Variants in ACSL3 observed in about 807,000 individuals in gnomAD.
The protein encoded by ACSL3 is fatty acid CoA ligase Acsl3.
In ACSL3, 34 loss-of-function variants were observed where a neutral mutation model predicts 84.7. That is an observed-to-expected ratio of 0.40 (90% CI 0.31 to 0.53). The LOEUF is 0.53. Among genes scored for constraint, ACSL3 ranks in the 20% least tolerant of loss-of-function variants. ACSL3 has a pLI of 0.48. For synonymous variants in ACSL3, 315 were observed against 299.4 expected, an observed-to-expected ratio of 1.05 and a Z score of -0.54; for missense variants, 680 against 873.1, an observed-to-expected ratio of 0.78 and a Z score of 2.79.
chr2:222,910,596 C>A (rs1481616985), intron 4 of ACSL3, among the ~76,000 whole-genome samples: 1 of 152,202 alleles, frequency 6.6e-6, no homozygotes, highest in Non-Finnish European at 1.5e-5. Flanking sequence ...TTTCATACAT[C>A]ATTTTCCTCA....
Position 222,944,276 on chromosome 2 carries a change from T to G in ACSL3, c.*2622T>G, listed in dbSNP as rs1697403868. On this transcript the variant is annotated 3_prime_UTR_variant, in exon 17 of 17. Transcript: ENST00000357430. ...ATAACTTACTTGTTTGCTGCTAAAA[T>G]ACTCAAGATTTTGCCATTTTTAAAC... The G allele has an allele frequency of 1.3e-5, 2 of 152,180 alleles. No individual in the cohort carries two copies. The highest frequency in any genetic ancestry group is 4.1e-4 in the South Asian group (2 of 4,832). The allele number at this position is 152,180 out of a possible 1,614,324, so 9.4% of individuals were successfully genotyped here. A position where few individuals can be genotyped will look rare whatever the true frequency, so the allele number is the denominator to read the frequency against.
At chr2:222,933,395 C>G (rs1441992984) in intron 15 of ACSL3, 115 bp downstream of exon 15, 1 of 688,360 alleles carries the variant, frequency 1.5e-6, no homozygotes, top group Non-Finnish European at 2.3e-6. Flanking sequence ...CTATCTGTTA[C>G]TTGTGGGAAT....
chr2:222,902,739 A>G (rs989671839), intron 3 of ACSL3, among the ~76,000 whole-genome samples: 2 of 152,218 alleles, frequency 1.3e-5, no homozygotes, highest in Admixed American at 6.5e-5. Flanking sequence ...CAAATTGAAT[A>G]CCAGGGCCAC....
chr2:222,927,563 T>G (rs1696915559), intron 12 of ACSL3, among the ~76,000 whole-genome samples: 1 of 152,216 alleles, frequency 6.6e-6, no homozygotes, highest in African/African-American at 2.4e-5. Context: ...GGTGAGTATA[T>G]TAAGGCTCAG....
chr2:222,911,826 C>T (rs1401967478), intron 4 of ACSL3, among the ~76,000 whole-genome samples: 35 of 152,218 alleles, frequency 2.3e-4, no homozygotes, highest in Admixed American at 2.3e-3. Flanking sequence ...CTTATCTTAA[C>T]CATAGTGCCT....
At chr2:222,909,724 T>C (rs2106118740) in intron 4 of ACSL3, 1 of 152,404 alleles carries the variant, frequency 6.6e-6, no homozygotes, top group Middle Eastern at 3.4e-3. Context: ...TAACTGGCTT[T>C]CTGACCCTGG....
intron 15 of ACSL3, among the ~76,000 whole-genome samples, chr2:222,933,933 A>C (rs1018695028): frequency 3.2e-4 from 49 of 152,274 alleles, no homozygotes; most frequent in African/African-American, 1.2e-3. Context: ...GCCATTTAGT[A>C]TTTTCTTTAG....
At position 222,908,883 on chromosome 2, in the gene ACSL3, A is replaced by G. The variant is rs1308919441; in HGVS notation, c.111A>G (p.Thr37=). The G allele has an allele frequency of 3.1e-6, 5 of 1,611,206 alleles. No homozygotes were observed. The highest frequency in any genetic ancestry group is 1.7e-4 in the Middle Eastern group (1 of 6,056). The change falls in exon 4 of 17, where the codon ACA becomes ACG. Residue 37 remains threonine (T), a synonymous_variant. Coordinates refer to ENST00000357430, the MANE Select transcript of ACSL3 (RefSeq NM_004457.5). ...TAATATCACTTTATACTATTTTAAC[A>G]TACATTCCGTTTTATTTTTTCTCCG... ...HFLISLYTIL[T]YIPFYFFSES...
Position 222,927,180 on chromosome 2 carries a change from AT to A in ACSL3, c.1459del (p.Ser487ProfsTer15). The A allele has an allele frequency of 1.9e-6, 3 of 1,613,310 alleles. No individual in the cohort carries two copies. Among genetic ancestry groups the A allele is most frequent in the Non-Finnish European group, 2.5e-6 (3 of 1,179,364 alleles). On this transcript the variant is annotated frameshift_variant, in exon 12 of 17. Coordinates refer to ENST00000357430, the MANE Select transcript of ACSL3 (RefSeq NM_004457.5). LOFTEE classifies it high-confidence loss of function. ...CACTGAATCTGCTGGGGCTGGAACAATTTCCGAAGGTAGTGTTCTCCATGGT... is the reference window on the plus strand; with the variant it reads ...CACTGAATCTGCTGGGGCTGGAACAATTCCGAAGGTAGTGTTCTCCATGGT... ...GLTESAGAGT[I>X]SEVWDYNTGR...
intron 11 of ACSL3, among the ~76,000 whole-genome samples, chr2:222,925,398 G>A (rs568506862): frequency 6.6e-6 from 1 of 151,504 alleles, no homozygotes; most frequent in Non-Finnish European, 1.5e-5. Flanking sequence ...CTTGAGGCCA[G>A]GAAATCAAGA....
At chr2:222,914,255 G>A (rs1696519832) in intron 4 of ACSL3, among the ~76,000 whole-genome samples, 1 of 148,528 alleles carries the variant, frequency 6.7e-6, no homozygotes, top group South Asian at 2.2e-4. Flanking sequence ...GTGTGTGTGT[G>A]TGTGTGTGTG....
intron 16 of ACSL3, among the ~76,000 whole-genome samples, chr2:222,938,050 C>T (rs907284203): frequency 6.6e-5 from 10 of 151,996 alleles, no homozygotes; most frequent in African/African-American, 2.4e-4. Flanking sequence ...CTTAATCTTC[C>T]GTCTCATATA....
intron 3 of ACSL3, among the ~76,000 whole-genome samples, chr2:222,902,100 G>A (rs1696169475): frequency 6.6e-6 from 1 of 152,046 alleles, no homozygotes; most frequent in Non-Finnish European, 1.5e-5. Context: ...TAAACTAAGT[G>A]GACAAAATTA....
intron 1 of ACSL3, among the ~76,000 whole-genome samples, chr2:222,883,709 C>T (rs111491503): frequency 1.3e-5 from 2 of 151,836 alleles, no homozygotes; most frequent in African/African-American, 2.4e-5. Flanking sequence ...TTCTTTTTTT[C>T]TATTTCTGGA....
intron 1 of ACSL3, among the ~76,000 whole-genome samples, chr2:222,876,178 A>G (rs1386781696): frequency 1.3e-5 from 2 of 152,222 alleles, no homozygotes; most frequent in Non-Finnish European, 2.9e-5. Context: ...AAGCAGGGGA[A>G]GGAGCAATAG....
chr2:222,861,552 AGGGAGGATGCACTGC>A (rs967184809), intron 1 of ACSL3: 15 of 152,186 alleles, frequency 9.9e-5, no homozygotes, highest in African/African-American at 3.6e-4. Context: ...CTGACCAGGC[AGGGAGGATGCACTGC>A]GTGCCTCCCG....
chr2:222,867,130 G>T (rs1356042142), intron 1 of ACSL3, among the ~76,000 whole-genome samples: 2 of 152,038 alleles, frequency 1.3e-5, no homozygotes, highest in African/African-American at 4.8e-5. Context: ...ACCATGCCCG[G>T]CCTAGAATTT....
At chr2:222,882,880 G>A (rs795894) in intron 1 of ACSL3, among the ~76,000 whole-genome samples, 77,453 of 151,294 alleles carry the variant, frequency 0.51, 20,435 homozygotes, top group East Asian at 0.76. Context: ...TGATTCCGCT[G>A]CCTCAGCCTC....
At chr2:222,906,293 G>A (rs920385023) in intron 3 of ACSL3, among the ~76,000 whole-genome samples, 3 of 152,162 alleles carry the variant, frequency 2.0e-5, no homozygotes, top group African/African-American at 7.2e-5. Flanking sequence ...GATGATAGCC[G>A]ATTTTCAGCA....
Sources: allele counts gnomAD v4.1 joint callset (sites outside exome capture counted in the v4.1 genomes callset), GRCh38; gene constraint gnomAD v4.1.1; transcripts MANE v1.5; gene names NCBI Gene and HGNC (gene_info 2026-07-23, HGNC 2026-07-21).